TENM2: variants seen among roughly 807,000 people sequenced by gnomAD.
TENM2 encodes the protein teneurin-2.
A neutral mutation model predicts 245.2 loss-of-function variants in TENM2; 52 were observed. The observed-to-expected ratio is 0.21, with a 90% confidence interval of 0.17 to 0.27. The LOEUF (loss-of-function observed/expected upper bound fraction) is 0.27, where lower values mean the gene tolerates loss of function less well. TENM2 is among the 10% of genes least tolerant of loss of function. TENM2 has a pLI of 1.00. For missense variants in TENM2, 3,046 were observed against 3,666.8 expected (o/e 0.83, Z 4.37); for synonymous variants, 1,363 against 1,438.9 (o/e 0.95, Z 1.19).
At chr5:167,158,586 C>T in the TENM2 span, among the ~76,000 whole-genome samples, 1 of 152,140 alleles carries the variant, frequency 6.6e-6, no homozygotes. Flanking sequence ...CTGGTGCAGT[C>T]TGGTAAGGAC....
Position 168,244,351 on chromosome 5 carries a change from C to T in TENM2, c.5521-69C>T, listed in dbSNP as rs1766360881. ...TAAGCCCTGGCCATGCCAGCCATGT[C>T]CTCCACAGAAGCCTGAGCCGGCATG... On this transcript the variant is annotated intron_variant, in intron 25 of 28. Coordinates refer to ENST00000518659, the Ensembl canonical transcript of TENM2. The surrounding 1 kb of genome is among the most constrained non-coding windows in gnomAD (Gnocchi z 4.9). The T allele has an allele frequency of 1.5e-6, 2 of 1,314,622 alleles. No homozygotes were observed. The highest frequency in any genetic ancestry group is 2.0e-6 in the Non-Finnish European group (2 of 987,866). The allele number at this position is 1,314,622 out of a possible 1,614,324, so 81.4% of individuals were successfully genotyped here. A position where few individuals can be genotyped will look rare whatever the true frequency, so the allele number is the denominator to read the frequency against.
At chr5:167,037,262 T>G in the TENM2 span, among the ~76,000 whole-genome samples, 1 of 152,230 alleles carries the variant, frequency 6.6e-6, no homozygotes, top group South Asian at 2.1e-4. Context: ...TTTTCATTTT[T>G]TGGAAAACAG....
At chr5:168,189,354 C>T (rs188216056) in intron 13 of TENM2, among the ~76,000 whole-genome samples, 8 of 152,316 alleles carry the variant, frequency 5.3e-5, no homozygotes, top group African/African-American at 1.7e-4. Context: ...CTGTCAGTTT[C>T]CCCCACTCTA....
At chr5:167,200,315 T>TA in the TENM2 span, among the ~76,000 whole-genome samples, 2 of 152,006 alleles carry the variant, frequency 1.3e-5, no homozygotes, top group Admixed American at 1.3e-4. Context: ...GAGGGACCAC[T>TA]CCATACCAGT....
chr5:167,961,030 C>T (rs1780972957), intron 4 of TENM2, among the ~76,000 whole-genome samples: 1 of 152,216 alleles, frequency 6.6e-6, no homozygotes, highest in African/African-American at 2.4e-5. Context: ...GGGCTGTACC[C>T]ACTGTCTAAC....
chr5:167,100,563 G>T, the TENM2 span, among the ~76,000 whole-genome samples: 1 of 152,106 alleles, frequency 6.6e-6, no homozygotes, highest in South Asian at 2.1e-4. Flanking sequence ...ACGGATTGAA[G>T]ACCCTGTTCT....
chr5:167,180,376 A>G, the TENM2 span, among the ~76,000 whole-genome samples: 2 of 152,006 alleles, frequency 1.3e-5, no homozygotes, highest in Non-Finnish European at 2.9e-5. Flanking sequence ...CCCAAACAGA[A>G]TAAGTGCTTC....
chr5:167,470,593 ATT>A (rs1466954110), intron 2 of TENM2, among the ~76,000 whole-genome samples: 2 of 151,650 alleles, frequency 1.3e-5, no homozygotes, highest in Non-Finnish European at 2.9e-5. Flanking sequence ...TAAGGAAAGC[ATT>A]ATAATAATAT....
intron 7 of TENM2, among the ~76,000 whole-genome samples, chr5:168,084,245 A>C (rs1413779309): frequency 6.6e-6 from 1 of 152,164 alleles, no homozygotes; most frequent in Non-Finnish European, 1.5e-5. Context: ...TTTTGGTAGA[A>C]GGATTTGTTT....
intron 2 of TENM2, among the ~76,000 whole-genome samples, chr5:167,860,159 C>T (rs1583209727): frequency 2.8e-5 from 3 of 107,580 alleles, no homozygotes; most frequent in African/African-American, 3.5e-5. Flanking sequence ...CCCCTCTGCC[C>T]GGCCAGCCGC....
At chr5:167,902,509 C>A (rs537037034) in intron 3 of TENM2, among the ~76,000 whole-genome samples, 1 of 152,270 alleles carries the variant, frequency 6.6e-6, no homozygotes, top group South Asian at 2.1e-4. Flanking sequence ...TAACATAACT[C>A]ACTTCCTAAC....
At chr5:167,093,666 A>G in the TENM2 span, among the ~76,000 whole-genome samples, 25 of 152,186 alleles carry the variant, frequency 1.6e-4, no homozygotes, top group Non-Finnish European at 2.8e-4. Flanking sequence ...GAGAATAGCC[A>G]ACTGCACAAG....
At chr5:167,264,884 G>A in the TENM2 span, among the ~76,000 whole-genome samples, 1 of 152,180 alleles carries the variant, frequency 6.6e-6, no homozygotes, top group African/African-American at 2.4e-5. Context: ...GCATCTGGAT[G>A]CCCAAGATAC....
In TENM2 at chr5:167,586,807, A is replaced by G. The variant is rs1561576912; in HGVS notation, c.502+211334A>G. ...TGAGTAATAATCAATACCAGAGTAAAGAAAGAATTTTTCTTCAATTTAGTT... is the reference window on the plus strand; with the variant it reads ...TGAGTAATAATCAATACCAGAGTAAGGAAAGAATTTTTCTTCAATTTAGTT... On this transcript the variant is annotated intron_variant, in intron 2 of 28. Coordinates refer to ENST00000518659, the Ensembl canonical transcript of TENM2. 1.3e-5 allele frequency among the ~76,000 whole-genome samples: 2 copies of G among 152,360 alleles called. 1 individual carries two copies. The highest frequency in any genetic ancestry group is 4.1e-4 in the South Asian group (2 of 4,828).
At chr5:168,117,700 G>A (rs1252959841) in intron 9 of TENM2, among the ~76,000 whole-genome samples, 3 of 152,200 alleles carry the variant, frequency 2.0e-5, no homozygotes, top group Non-Finnish European at 2.9e-5. Context: ...AGATAAAACT[G>A]AGGCAGTGAG....
At chr5:167,169,845 T>C in the TENM2 span, among the ~76,000 whole-genome samples, 2 of 152,226 alleles carry the variant, frequency 1.3e-5, no homozygotes, top group African/African-American at 4.8e-5. Context: ...TGTTCTTTTG[T>C]AGGAATGAGC....
the TENM2 span, among the ~76,000 whole-genome samples, chr5:167,201,436 G>A: frequency 1.3e-5 from 2 of 152,208 alleles, no homozygotes; most frequent in African/African-American, 2.4e-5. Flanking sequence ...AAGTTCCAGT[G>A]AGTTAGGATT....
chr5:168,090,467 CA>C, intron 7 of TENM2, 106 bp from the exon 10 acceptor site: 1 of 937,814 alleles, frequency 1.1e-6, no homozygotes, highest in Non-Finnish European at 1.6e-6. Flanking sequence ...AAATGTGCTA[CA>C]AAAAAGGTCT....
chr5:167,557,006 A>C (rs1361905783), intron 2 of TENM2, among the ~76,000 whole-genome samples: 1 of 152,312 alleles, frequency 6.6e-6, no homozygotes, highest in African/African-American at 2.4e-5. Flanking sequence ...TAAAATGTTA[A>C]GTTTTTTATT....
Sources: allele counts gnomAD v4.1 joint callset (sites outside exome capture counted in the v4.1 genomes callset), GRCh38; gene constraint gnomAD v4.1.1; non-coding constraint Gnocchi (gnomAD v3.1); transcripts MANE v1.5; gene names NCBI Gene and HGNC (gene_info 2026-07-23, HGNC 2026-07-21).